Variants in RNF38 observed in about 807,000 individuals in gnomAD.
RNF38 encodes the protein E3 ubiquitin-protein ligase RNF38.
In RNF38, 15 loss-of-function variants were observed where a neutral mutation model predicts 67.2. That is an observed-to-expected ratio of 0.22 (90% CI 0.15 to 0.34). The LOEUF is 0.34. Among genes scored for constraint, RNF38 ranks in the 10% least tolerant of loss-of-function variants. RNF38 has a pLI of 1.00. For missense variants in RNF38, 524 were observed against 639.9 expected (o/e 0.82, Z 1.95); for synonymous variants, 220 against 218.8 (o/e 1.01, Z -0.05).
At chr9:36,370,051 C>G (rs1472812960) in intron 3 of RNF38, 119 bp from the exon 4 acceptor site, 1 of 793,036 alleles carries the variant, frequency 1.3e-6, no homozygotes, top group Non-Finnish European at 1.9e-6. Context: ...TATTAAATAA[C>G]TGCTAAAATT....
At chr9:36,405,734 G>GAT (rs991002273), upstream of RNF38, among the ~76,000 whole-genome samples, 40 of 146,300 alleles carry the variant, frequency 2.7e-4, no homozygotes, top group African/African-American at 7.0e-4. Flanking sequence ...GTAATCTTAG[G>GAT]ATATATATAT....
intron 7 of RNF38, 110 bp from the exon 8 acceptor site, chr9:36,352,958 C>A: frequency 1.1e-6 from 1 of 883,074 alleles, no homozygotes; most frequent in South Asian, 1.7e-5. Context: ...CTTTATTGTT[C>A]AAAGTTTTAA....
chr9:36,436,990 G>A (rs1358678573), intron 1 of RNF38, among the ~76,000 whole-genome samples: 3 of 152,114 alleles, frequency 2.0e-5, no homozygotes, highest in African/African-American at 4.8e-5. Context: ...GAAGCCAAAG[G>A]TCAGACTCTT....
chr9:36,389,225 CTT>C (rs780007795), intron 2 of RNF38, among the ~76,000 whole-genome samples: 9 of 151,324 alleles, frequency 5.9e-5, no homozygotes, highest in African/African-American at 9.7e-5. Context: ...GCAATTGGCT[CTT>C]TGTTTTGTTT....
At chr9:36,482,018 TTCTC>T (rs2134454925) in intron 1 of RNF38, among the ~76,000 whole-genome samples, 1 of 152,004 alleles carries the variant, frequency 6.6e-6, no homozygotes, top group African/African-American at 2.4e-5. Context: ...GTACTATACT[TTCTC>T]TCCTCCATTT....
At chr9:36,400,914 G>GCCCCGCCGCGCCCCGCCGCA (rs1837981356), upstream of RNF38, 1 of 939,034 alleles carries the variant, frequency 1.1e-6, no homozygotes, top group Non-Finnish European at 1.2e-6. Context: ...GCCCCGCCGC[G>GCCCCGCCGCGCCCCGCCGCA]CCCCGCCGCA....
chr9:36,404,045 C>T (rs1407796718), upstream of RNF38, among the ~76,000 whole-genome samples: 1 of 152,140 alleles, frequency 6.6e-6, no homozygotes, highest in Non-Finnish European at 1.5e-5. Context: ...GTCATAAAGA[C>T]ATTCACCTAT....
intron 2 of RNF38, among the ~76,000 whole-genome samples, chr9:36,379,194 T>TG: frequency 6.6e-6 from 1 of 152,276 alleles, no homozygotes; most frequent in East Asian, 1.9e-4. Flanking sequence ...GCCACTGCGC[T>TG]GGGCCAATAA....
intron 1 of RNF38, among the ~76,000 whole-genome samples, chr9:36,427,659 CTATCTAT>C (rs1564058734): frequency 0.045 from 905 of 20,328 alleles, 15 homozygotes; most frequent in African/African-American, 0.1. Flanking sequence ...TTCCCAGCCT[CTATCTAT>C]CTATCTATCT....
At chr9:36,372,586 T>TA in intron 3 of RNF38, 1 of 712,708 alleles carries the variant, frequency 1.4e-6, no homozygotes, top group Non-Finnish European at 2.6e-6. Flanking sequence ...AATATGCTTA[T>TA]AGGTAACCTA....
chr9:36,367,743 T>C (rs1835087043), intron 4 of RNF38, among the ~76,000 whole-genome samples: 1 of 152,230 alleles, frequency 6.6e-6, no homozygotes, highest in Admixed American at 6.5e-5. Flanking sequence ...GAAGTTTCAT[T>C]GTTAAGGTTG....
At chr9:36,415,297 T>C (rs1166105040) in intron 2 of RNF38, among the ~76,000 whole-genome samples, 2 of 152,230 alleles carry the variant, frequency 1.3e-5, no homozygotes, top group Non-Finnish European at 1.5e-5. Flanking sequence ...CCTCAACTTC[T>C]TTCTTGTTCA....
At chr9:36,429,539 G>A (rs539067457) in intron 1 of RNF38, among the ~76,000 whole-genome samples, 1 of 152,192 alleles carries the variant, frequency 6.6e-6, no homozygotes, top group Non-Finnish European at 1.5e-5. Context: ...CCAGCACTTT[G>A]GGAGGCTGAG....
chr9:36,399,874 T>G (rs1837863714), intron 1 of RNF38, among the ~76,000 whole-genome samples: 1 of 152,150 alleles, frequency 6.6e-6, no homozygotes, highest in Non-Finnish European at 1.5e-5. Flanking sequence ...CCAAACAGAA[T>G]ACAGCAGACT....
intron 2 of RNF38, among the ~76,000 whole-genome samples, chr9:36,419,699 G>C (rs185004310): frequency 6.6e-6 from 1 of 152,188 alleles, no homozygotes; most frequent in African/African-American, 2.4e-5. Context: ...CACGGCATCT[G>C]TATTCCCAGC....
rs1832706375 is a variant in RNF38 at position 36,339,764 on chromosome 9, C to T, written c.1536G>A (p.Arg512=). 1 of 1,613,210 alleles carries T rather than the reference C, an allele frequency of 6.2e-7. No individual in the cohort carries two copies. Among genetic ancestry groups the T allele is most frequent in the Non-Finnish European group, 8.5e-7 (1 of 1,179,456 alleles). ...ICRADASEVH[R]DSE is the part of the protein sequence containing the mutation. ...CTTCTTAGGTTGGTCATTCTGAATC[C>T]CGATGCACTTCTGAAGCATCAGCTC... Residue 512 remains arginine, a synonymous_variant, in exon 12 of 12, where the codon CGG becomes CGA. Transcript: ENST00000259605.
intron 1 of RNF38, among the ~76,000 whole-genome samples, chr9:36,427,659 CTATCTATCTATCTAT>C (rs1838807368): frequency 4.9e-5 from 1 of 20,314 alleles, no homozygotes; most frequent in African/African-American, 1.2e-4. Flanking sequence ...TTCCCAGCCT[CTATCTATCTATCTAT>C]CTATCTATCT....
chr9:36,375,753 C>T (rs1315009828), intron 3 of RNF38, among the ~76,000 whole-genome samples, 181 bp downstream of exon 3: 2 of 152,160 alleles, frequency 1.3e-5, no homozygotes, highest in African/African-American at 4.8e-5. Flanking sequence ...CAATGATAAG[C>T]TAAATAAACT....
chr9:36,473,938 A>G (rs1840061254), intron 1 of RNF38, among the ~76,000 whole-genome samples: 1 of 148,838 alleles, frequency 6.7e-6, no homozygotes, highest in East Asian at 2.0e-4. Flanking sequence ...GCGAGCTGAG[A>G]TCATGCCACT....
Sources: gnomAD v4.1 joint callset for allele counts (sites outside exome capture counted in the v4.1 genomes callset) on GRCh38, gnomAD v4.1.1 for gene constraint, MANE v1.5 for transcripts, NCBI Gene and HGNC (gene_info 2026-07-23, HGNC 2026-07-21) for gene names.